CORO1C: variants seen among roughly 807,000 people sequenced by gnomAD.
CORO1C encodes coronin-1C.
CORO1C carries 14 observed loss-of-function variants against 51.2 expected under a neutral mutation model. That is an observed-to-expected ratio of 0.27 (90% CI 0.18 to 0.43). The LOEUF (loss-of-function observed/expected upper bound fraction) is 0.43. Ranked by LOEUF, CORO1C falls within the 20% of genes least tolerant of loss-of-function variation. CORO1C has a pLI of 1.00. For synonymous variants in CORO1C, 181 were observed against 210.5 expected (o/e 0.86, Z 1.21); for missense variants, 417 against 607.8 (o/e 0.69, Z 3.30).
intron 1 of CORO1C, among the ~76,000 whole-genome samples, chr12:108,714,292 G>A (rs1273428233): frequency 6.6e-6 from 1 of 151,376 alleles, no homozygotes; most frequent in Non-Finnish European, 1.5e-5. Flanking sequence ...GGGAGGCTGA[G>A]GCAGGAGAAT....
At chr12:108,657,196 TAGAAA>T (rs1163536314) in intron 6 of CORO1C, 103 bp downstream of exon 6, 93 of 1,436,930 alleles carry the variant, frequency 6.5e-5, no homozygotes, top group Non-Finnish European at 8.4e-5. Flanking sequence ...ATCAGGCGTT[TAGAAA>T]ACTACACTAA....
At chr12:108,674,028 G>C (rs1934927559) in intron 3 of CORO1C, among the ~76,000 whole-genome samples, 1 of 151,442 alleles carries the variant, frequency 6.6e-6, no homozygotes, top group African/African-American at 2.4e-5. Flanking sequence ...CCACCGATCA[G>C]GAAAAAAAAA....
intron 3 of CORO1C, among the ~76,000 whole-genome samples, chr12:108,668,698 C>G (rs2033593484): frequency 6.6e-6 from 1 of 152,154 alleles, no homozygotes; most frequent in South Asian, 2.1e-4. Context: ...CAATATCTTT[C>G]CAACTCCCAG....
intron 2 of CORO1C, among the ~76,000 whole-genome samples, chr12:108,687,455 C>T (rs2136844996): frequency 1.3e-5 from 2 of 152,022 alleles, no homozygotes; most frequent in South Asian, 4.2e-4. Context: ...CCACTGCACT[C>T]CAGCCTGGGT....
At chr12:108,690,312 A>G (rs1445220379) in intron 2 of CORO1C, among the ~76,000 whole-genome samples, 1 of 152,224 alleles carries the variant, frequency 6.6e-6, no homozygotes, top group Non-Finnish European at 1.5e-5. Context: ...AATAAACCCT[A>G]CAGATTGAGT....
intron 6 of CORO1C, among the ~76,000 whole-genome samples, chr12:108,655,854 T>C (rs1002055669): frequency 1.5e-4 from 23 of 151,984 alleles, no homozygotes; most frequent in Middle Eastern, 3.4e-3. Flanking sequence ...GTCTGGGATG[T>C]GAGGAGCCCC....
At chr12:108,676,164 A>G (rs1041030724) in intron 3 of CORO1C, among the ~76,000 whole-genome samples, 1 of 152,220 alleles carries the variant, frequency 6.6e-6, no homozygotes, top group Non-Finnish European at 1.5e-5. Flanking sequence ...TGAGTATTAC[A>G]AAAGTCAGGA....
intron 1 of CORO1C, among the ~76,000 whole-genome samples, chr12:108,702,155 A>G (rs1298227445): frequency 4.6e-5 from 7 of 152,234 alleles, no homozygotes; most frequent in African/African-American, 1.4e-4. Context: ...TTACACAGGA[A>G]CAAGCTCAAA....
intron 4 of CORO1C, among the ~76,000 whole-genome samples, chr12:108,660,366 G>A (rs984692843): frequency 2.0e-5 from 3 of 148,510 alleles, no homozygotes; most frequent in East Asian, 2.0e-4. Context: ...CAGGAGAATC[G>A]CTTGAACTCA....
intron 1 of CORO1C, among the ~76,000 whole-genome samples, chr12:108,723,993 G>A (rs1316789382): frequency 2.0e-5 from 3 of 152,128 alleles, no homozygotes; most frequent in African/African-American, 4.8e-5. Context: ...ATACTGTCAA[G>A]GAGCTTTACA....
chr12:108,721,002 C>CA (rs960686553), intron 1 of CORO1C, among the ~76,000 whole-genome samples: 6 of 151,940 alleles, frequency 3.9e-5, no homozygotes, highest in African/African-American at 1.2e-4. Context: ...ATGGAGGCAC[C>CA]AAAAAATGTA....
Position 108,729,668 on chromosome 12 carries a change from CATT to C in CORO1C, c.-6+1758_-6+1760del, listed in dbSNP as rs2035671045. On this transcript the variant is annotated intron_variant, in intron 1 of 10. Coordinates refer to ENST00000261401, the MANE Select transcript of CORO1C (RefSeq NM_014325.4). ...TTTACTATTATGCTTCATAGCCAAACATTATGACTGTGAAACATACCTCCAAAC... is the reference window on the plus strand; with the variant it reads ...TTTACTATTATGCTTCATAGCCAAACATGACTGTGAAACATACCTCCAAAC... 3.3e-5 allele frequency among the ~76,000 whole-genome samples: 5 copies of C among 152,310 alleles called. No individual in the cohort carries two copies. The South Asian group carries it at 1.0e-3, about 32-fold the overall frequency.
At chr12:108,651,119 T>C (rs2032630374) in intron 8 of CORO1C, among the ~76,000 whole-genome samples, 1 of 152,248 alleles carries the variant, frequency 6.6e-6, no homozygotes, top group Non-Finnish European at 1.5e-5. Context: ...ACATAGCAAA[T>C]TTTTTATTTT....
intron 3 of CORO1C, among the ~76,000 whole-genome samples, chr12:108,670,859 G>T (rs2033688535): frequency 6.6e-6 from 1 of 151,482 alleles, no homozygotes; most frequent in African/African-American, 2.4e-5. Flanking sequence ...TTATAAACCA[G>T]AACTTGAAAA....
rs377235373 is a variant in CORO1C at position 108,658,187 on chromosome 12, CATTT to C, written c.630+547_630+550del. On this transcript the variant is annotated intron_variant, in intron 5 of 10. Coordinates refer to ENST00000261401, the MANE Select transcript of CORO1C (RefSeq NM_014325.4). This position sits in a 1 kb window ranked among gnomAD's most constrained non-coding sequence, Gnocchi z 4.9. ...AGAACTTGTTGCTTTTCGCCCTGCG[CATTT>C]ATTTATTTATTTATTTATTTATTTT... is the stretch of plus-strand genomic sequence containing the variant. 1.8e-3 allele frequency among the ~76,000 whole-genome samples: 274 copies of C among 152,064 alleles called. 4 individuals are homozygous for C. The highest frequency in any genetic ancestry group is 3.4e-3 in the Middle Eastern group (1 of 294).
At chr12:108,650,206 T>TTG (rs1445293075) in intron 8 of CORO1C, among the ~76,000 whole-genome samples, 9 of 142,250 alleles carry the variant, frequency 6.3e-5, no homozygotes, top group South Asian at 2.3e-4. Context: ...TTTTTTTTTT[T>TTG]GGGACTGGGT....
At chr12:108,693,376 T>A (rs2034563780) in intron 2 of CORO1C, among the ~76,000 whole-genome samples, 1 of 152,198 alleles carries the variant, frequency 6.6e-6, no homozygotes. Context: ...TGCAGTCTCA[T>A]TTCCATCAAC....
In CORO1C at chr12:108,677,848, G is replaced by A. The variant is rs148699633; in HGVS notation, c.318+424C>T. Among the ~76,000 whole-genome samples the A allele has an allele frequency of 2.6e-4, 40 of 152,088 alleles. 1 individual carries two copies. Among genetic ancestry groups the A allele is most frequent in the Middle Eastern group, 3.4e-3 (1 of 294 alleles). On this transcript the variant is annotated intron_variant, in intron 3 of 10. Coordinates refer to ENST00000261401, the MANE Select transcript of CORO1C (RefSeq NM_014325.4). ...AGCCTGGCCAACATGGTGAAACCTC[G>A]TCTCTATTAAAAATACAAAAATTAG...
chr12:108,655,566 G>A (rs1445727665), intron 6 of CORO1C, among the ~76,000 whole-genome samples: 1 of 152,224 alleles, frequency 6.6e-6, no homozygotes, highest in African/African-American at 2.4e-5. Context: ...TTTTTTGGTG[G>A]AGACGGGGTT....
Sources: gnomAD v4.1 joint callset for allele counts (sites outside exome capture counted in the v4.1 genomes callset) on GRCh38, gnomAD v4.1.1 for gene constraint, Gnocchi (gnomAD v3.1) non-coding constraint, MANE v1.5 for transcripts, NCBI Gene and HGNC (gene_info 2026-07-23, HGNC 2026-07-21) for gene names.